CLVS1: variants seen among roughly 807,000 people sequenced by gnomAD.
CLVS1 encodes the protein clavesin 1, also known as clavesin-1.
In CLVS1, 10 loss-of-function variants were observed where a neutral mutation model predicts 33.1. The observed-to-expected ratio is 0.30, with a 90% CI of 0.19 to 0.51. The LOEUF is 0.51. CLVS1 is among the 20% of genes least tolerant of loss of function. The probability of loss-of-function intolerance (pLI) is 0.97; values close to 1 mark genes in which losing one functional copy is unlikely to be tolerated. For synonymous variants in CLVS1, 163 were observed against 166.1 expected (o/e 0.98, Z 0.14); for missense variants, 343 against 433.4 (o/e 0.79, Z 1.85).
chr8:61,238,324 T>A (rs1367416699), intron 2 of CLVS1, among the ~76,000 whole-genome samples: 1 of 151,840 alleles, frequency 6.6e-6, no homozygotes, highest in African/African-American at 2.4e-5. Context: ...TCCCCTTCCC[T>A]CTCTTTCCCT....
chr8:61,312,779 G>A (rs1810874837), intron 2 of CLVS1, among the ~76,000 whole-genome samples: 1 of 152,140 alleles, frequency 6.6e-6, no homozygotes, highest in African/African-American at 2.4e-5. Context: ...AAATCGCAAA[G>A]CTCGTTAGTG....
intron 3 of CLVS1, among the ~76,000 whole-genome samples, chr8:61,426,374 A>G (rs1815893026): frequency 6.6e-6 from 1 of 152,180 alleles, no homozygotes; most frequent in African/African-American, 2.4e-5. Context: ...TATAATATTT[A>G]CTAATTGTAT....
intron 2 of CLVS1, among the ~76,000 whole-genome samples, chr8:61,133,550 C>G (rs1433423086): frequency 2.0e-5 from 3 of 152,104 alleles, no homozygotes; most frequent in Non-Finnish European, 4.4e-5. Context: ...TTTTGTGTCA[C>G]ATTGAGGAGC....
chr8:61,421,187 C>A (rs1365516664), intron 3 of CLVS1, among the ~76,000 whole-genome samples: 2 of 152,102 alleles, frequency 1.3e-5, no homozygotes, highest in African/African-American at 4.8e-5. Context: ...TAGAACCGAA[C>A]CCCTCAGAGT....
intron 2 of CLVS1, among the ~76,000 whole-genome samples, chr8:61,152,497 T>G (rs890264059): frequency 6.6e-6 from 1 of 152,212 alleles, no homozygotes; most frequent in African/African-American, 2.4e-5. Context: ...TGGAGAAAGC[T>G]GCTTTCTTCT....
At chr8:61,292,911 C>T (rs1810048910) in intron 1 of CLVS1, among the ~76,000 whole-genome samples, 1 of 152,188 alleles carries the variant, frequency 6.6e-6, no homozygotes, top group Non-Finnish European at 1.5e-5. Flanking sequence ...TCCTCTGTCA[C>T]ATAGGTCCTT....
chr8:61,014,927 A>G, the CLVS1 span, among the ~76,000 whole-genome samples: 2 of 152,230 alleles, frequency 1.3e-5, no homozygotes, highest in African/African-American at 4.8e-5. Context: ...GTGCCTTTCT[A>G]GAAGAAGTAG....
At chr8:61,048,030 T>A in the CLVS1 span, among the ~76,000 whole-genome samples, 6 of 152,212 alleles carry the variant, frequency 3.9e-5, no homozygotes, top group African/African-American at 1.4e-4. Context: ...TTGATCCTGA[T>A]CATCATGAGG....
At chr8:60,973,446 AATCTGTATGG>A in the CLVS1 span, among the ~76,000 whole-genome samples, 3 of 152,176 alleles carry the variant, frequency 2.0e-5, no homozygotes, top group African/African-American at 7.2e-5. Flanking sequence ...ACTGGTGGCT[AATCTGTATGG>A]GTCTGTAGCA....
At chr8:61,231,883 G>T (rs1585708170) in intron 2 of CLVS1, among the ~76,000 whole-genome samples, 1 of 152,158 alleles carries the variant, frequency 6.6e-6, no homozygotes, top group East Asian at 1.9e-4. Flanking sequence ...GCTACACAAT[G>T]CAGGAGTGGG....
At chr8:61,045,488 G>A in the CLVS1 span, among the ~76,000 whole-genome samples, 1 of 152,172 alleles carries the variant, frequency 6.6e-6, no homozygotes, top group African/African-American at 2.4e-5. Context: ...CCATTTAGAA[G>A]TTGCCAACCT....
chr8:61,497,120 A>AG (rs1251908411), intron 5 of CLVS1, among the ~76,000 whole-genome samples: 2 of 152,310 alleles, frequency 1.3e-5, no homozygotes, highest in South Asian at 2.1e-4. Context: ...TGTTGTGTTG[A>AG]GGGGGTCCTC....
intron 2 of CLVS1, among the ~76,000 whole-genome samples, chr8:61,320,381 TAA>T (rs772505669): frequency 9.4e-4 from 141 of 149,570 alleles, no homozygotes; most frequent in Admixed American, 3.8e-3. Flanking sequence ...ATAAGTTTGT[TAA>T]AAAAAAAAGA....
the CLVS1 span, among the ~76,000 whole-genome samples, chr8:61,000,315 C>A: frequency 3.3e-5 from 5 of 152,176 alleles, no homozygotes; most frequent in Non-Finnish European, 5.9e-5. Context: ...GAGGTGACAA[C>A]ACTGTTTCTC....
intron 4 of CLVS1, among the ~76,000 whole-genome samples, chr8:61,457,148 G>A (rs866667055): frequency 7.9e-5 from 12 of 151,888 alleles, no homozygotes; most frequent in African/African-American, 2.7e-4. Flanking sequence ...TGTTGGCCAG[G>A]CTGGTCTCGA....
intron 2 of CLVS1, among the ~76,000 whole-genome samples, chr8:61,346,993 A>G (rs553370348): frequency 2.6e-5 from 4 of 152,308 alleles, no homozygotes; most frequent in South Asian, 4.1e-4. Flanking sequence ...AGAGAGCTTA[A>G]GAAGGGTAAT....
At chr8:61,069,254 C>T (rs1804744663) in intron 1 of CLVS1, among the ~76,000 whole-genome samples, 1 of 152,220 alleles carries the variant, frequency 6.6e-6, no homozygotes, top group Admixed American at 6.5e-5. Context: ...AGGCATGAGC[C>T]ACCGCGCCCA....
At chr8:61,144,213 C>T (rs1806370910) in intron 2 of CLVS1, among the ~76,000 whole-genome samples, 1 of 152,062 alleles carries the variant, frequency 6.6e-6, no homozygotes, top group Non-Finnish European at 1.5e-5. Flanking sequence ...CCTCCAGCCC[C>T]CAACAGGCCC....
chr8:61,302,412 G>A (rs1285952511), intron 2 of CLVS1, among the ~76,000 whole-genome samples: 1 of 152,162 alleles, frequency 6.6e-6, no homozygotes, highest in African/African-American at 2.4e-5. Context: ...AACATTCAGT[G>A]AGTATAGACT....
Sources: allele counts gnomAD v4.1 joint callset (sites outside exome capture counted in the v4.1 genomes callset), GRCh38; gene constraint gnomAD v4.1.1; transcripts MANE v1.5; gene names NCBI Gene and HGNC (gene_info 2026-07-23, HGNC 2026-07-21).